RNF2: variants seen among roughly 807,000 people sequenced by gnomAD.
RNF2 encodes ring finger protein 2.
Under a neutral mutation model 37.2 loss-of-function variants are expected in RNF2, and 6 were observed. The ratio of observed to expected loss-of-function variants is 0.16; its 90% confidence interval spans 0.09 to 0.32. RNF2 has a LOEUF of 0.32. Ranked by LOEUF, RNF2 falls within the 10% of genes least tolerant of loss-of-function variation. The pLI is 1.00. For synonymous variants in RNF2, 133 were observed against 132.7 expected (o/e 1.00, Z -0.02); for missense variants, 251 against 404.0 (o/e 0.62, Z 3.25).
At chr1:185,088,772 A>G (rs1478637317) in intron 2 of RNF2, among the ~76,000 whole-genome samples, 1 of 152,226 alleles carries the variant, frequency 6.6e-6, no homozygotes, top group Non-Finnish European at 1.5e-5. Flanking sequence ...TCCAAAAACC[A>G]AAATTTGAAT....
intron 1 of RNF2, among the ~76,000 whole-genome samples, chr1:185,061,429 A>G (rs1214958334): frequency 1.3e-5 from 2 of 152,166 alleles, no homozygotes; most frequent in South Asian, 2.1e-4. Flanking sequence ...CCAACCCACC[A>G]AACAAAAAAA....
chr1:185,098,436 T>A, intron 5 of RNF2, 92 bp downstream of exon 5: 1 of 1,414,876 alleles, frequency 7.1e-7, no homozygotes, highest in East Asian at 2.3e-5. Flanking sequence ...GGAGCAATAT[T>A]TGTCATCCCA....
chr1:185,075,301 C>T (rs547703896), intron 1 of RNF2, among the ~76,000 whole-genome samples: 2 of 152,204 alleles, frequency 1.3e-5, no homozygotes, highest in Admixed American at 1.3e-4. Context: ...GTATTTCTTA[C>T]AGCATGTCCA....
intron 1 of RNF2, among the ~76,000 whole-genome samples, chr1:185,067,978 G>T (rs1650849884): frequency 6.8e-6 from 1 of 147,930 alleles, no homozygotes; most frequent in Non-Finnish European, 1.5e-5. Context: ...CAAAGTGCTG[G>T]GATTACAGGC....
At chr1:185,079,582 C>T (rs1479316738) in intron 1 of RNF2, among the ~76,000 whole-genome samples, 1 of 152,184 alleles carries the variant, frequency 6.6e-6, no homozygotes, top group Non-Finnish European at 1.5e-5. Context: ...CTCATTGGAA[C>T]AGTCATTTTA....
chr1:185,071,456 CTGTT>C (rs780089408), intron 1 of RNF2: 7 of 152,206 alleles, frequency 4.6e-5, no homozygotes, highest in Admixed American at 6.5e-5. Context: ...TTACAGCTAT[CTGTT>C]TGGGAACAAA....
At chr1:185,060,947 C>T (rs1461911223) in intron 1 of RNF2, among the ~76,000 whole-genome samples, 1 of 151,942 alleles carries the variant, frequency 6.6e-6, no homozygotes, top group Non-Finnish European at 1.5e-5. Flanking sequence ...AGCGAGATCC[C>T]ATCTTTATGA....
intron 1 of RNF2, among the ~76,000 whole-genome samples, chr1:185,051,943 TAC>T (rs1650284810): frequency 1.4e-5 from 2 of 145,388 alleles, no homozygotes; most frequent in Admixed American, 6.9e-5. Flanking sequence ...ATATTATATA[TAC>T]ATTTTTACAT....
chr1:185,100,366 ACT>A lies in RNF2; in HGVS notation c.*66_*67del. 4 of 1,043,340 alleles carry A rather than the reference ACT, an allele frequency of 3.8e-6. No homozygotes were observed. The highest frequency in any genetic ancestry group is 5.8e-6 in the Non-Finnish European group (4 of 695,180). The allele number at this position is 1,043,340 out of a possible 1,614,324, so 64.6% of individuals were successfully genotyped here. A position where few individuals can be genotyped will look rare whatever the true frequency, so the allele number is the denominator to read the frequency against. ...CCTATTTCTTTAATATTAAAGATGT[ACT>A]GGCATTACTTTTATGGACAGATCTT... On this transcript the variant is annotated 3_prime_UTR_variant, in exon 7 of 7. Transcript: ENST00000367510.
chr1:185,098,917 A>G (rs1651993215), intron 5 of RNF2, among the ~76,000 whole-genome samples: 1 of 148,196 alleles, frequency 6.7e-6, no homozygotes, highest in African/African-American at 2.5e-5. Context: ...AAGCCCAGCT[A>G]ATTTTTGTAT....
chr1:185,076,438 G>A lies in RNF2; in HGVS notation c.-2-11114G>A, dbSNP rs548168757. 2.0e-5 allele frequency among the ~76,000 whole-genome samples: 3 copies of A among 150,736 alleles called. No individual in the cohort carries two copies. In the South Asian group the frequency reaches 6.3e-4, roughly 32 times the overall value. On this transcript the variant is annotated intron_variant, in intron 1 of 6. Coordinates refer to ENST00000367510, the MANE Select transcript of RNF2 (RefSeq NM_007212.4). ...CCCAAGTAGCTGGGACTACAGGCGC[G>A]TGCCTCCATGCCTGGCTAATTTTTT...
intron 2 of RNF2, 115 bp from the exon 3 acceptor site, chr1:185,091,464 C>T (rs971234525): frequency 5.3e-6 from 5 of 946,142 alleles, no homozygotes; most frequent in Non-Finnish European, 6.2e-6. Context: ...ATGGCAGTGG[C>T]TGGGTGATGG....
intron 1 of RNF2, among the ~76,000 whole-genome samples, chr1:185,065,227 A>G (rs767172535): frequency 3.3e-5 from 5 of 152,136 alleles, no homozygotes; most frequent in African/African-American, 9.7e-5. Context: ...AAATGCACCA[A>G]TCAGTGCTCT....
intron 1 of RNF2, among the ~76,000 whole-genome samples, chr1:185,059,609 C>T (rs1650541639): frequency 6.6e-6 from 1 of 152,132 alleles, no homozygotes; most frequent in Non-Finnish European, 1.5e-5. Context: ...ATGTTAATGG[C>T]ATTATTGTTG....
chr1:185,066,155 A>G (rs1179609300), intron 1 of RNF2, among the ~76,000 whole-genome samples: 2 of 152,152 alleles, frequency 1.3e-5, no homozygotes, highest in East Asian at 3.8e-4. Context: ...TGATTTTCTC[A>G]GATCCATCCT....
intron 1 of RNF2, among the ~76,000 whole-genome samples, chr1:185,064,857 T>A (rs989327948): frequency 2.6e-5 from 4 of 152,220 alleles, no homozygotes; most frequent in Non-Finnish European, 4.4e-5. Flanking sequence ...AATTTTTTTT[T>A]AATTTCCTTT....
At chr1:185,048,659 C>T (rs1045821590) in intron 1 of RNF2, among the ~76,000 whole-genome samples, 1 of 151,988 alleles carries the variant, frequency 6.6e-6, no homozygotes, top group African/African-American at 2.4e-5. Flanking sequence ...ATGTTACTTA[C>T]GGGCTCTTCT....
At chr1:185,061,112 C>A (rs938734388) in intron 1 of RNF2, among the ~76,000 whole-genome samples, 6 of 147,324 alleles carry the variant, frequency 4.1e-5, no homozygotes, top group Non-Finnish European at 5.9e-5. Flanking sequence ...TGGAGTGAGA[C>A]CCTATTTCTC....
chr1:185,070,364 T>A (rs1029296285), intron 1 of RNF2, among the ~76,000 whole-genome samples: 18 of 152,254 alleles, frequency 1.2e-4, no homozygotes, highest in African/African-American at 3.1e-4. Flanking sequence ...GATCATTTAC[T>A]GTGCTTTCTG....
Sources: gnomAD v4.1 joint callset for allele counts (sites outside exome capture counted in the v4.1 genomes callset) on GRCh38, gnomAD v4.1.1 for gene constraint, MANE v1.5 for transcripts, NCBI Gene and HGNC (gene_info 2026-07-23, HGNC 2026-07-21) for gene names.